Variants in MGAT4C observed in about 807,000 individuals in gnomAD.
The protein encoded by MGAT4C is MGAT4 family member C.
In MGAT4C, 19 loss-of-function variants were observed where a neutral mutation model predicts 40.1. That is an observed-to-expected ratio of 0.47 (90% CI 0.33 to 0.70). MGAT4C has a LOEUF of 0.70. Among genes scored for constraint, MGAT4C ranks in the 30% least tolerant of loss-of-function variants. MGAT4C has a pLI of 0.02. For synonymous variants in MGAT4C, 181 were observed against 187.1 expected (o/e 0.97, Z 0.27); for missense variants, 491 against 563.2 (o/e 0.87, Z 1.30).
chr12:86,022,940 T>C (rs955340789), intron 2 of MGAT4C, among the ~76,000 whole-genome samples: 1 of 151,774 alleles, frequency 6.6e-6, no homozygotes, highest in Non-Finnish European at 1.5e-5. Flanking sequence ...AAGATAAGAG[T>C]AGGAAAGACC....
Position 85,979,778 on chromosome 12 carries a change from T to C in MGAT4C, c.948A>G (p.Ser316=), listed in dbSNP as rs201179683. The C allele has an allele frequency of 2.9e-5, 46 of 1,613,550 alleles. No homozygotes were observed. The highest frequency in any genetic ancestry group is 3.8e-5 in the Non-Finnish European group (45 of 1,179,806). ...PSLFQHMGYY[S]SYKGTENKLK... Reference sequence around the variant, plus strand: ...GCTTATTCTCCGTCCCTTTGTATGATGAATAATAGCCCATGTGCTGAAAGA... The same window carrying C: ...GCTTATTCTCCGTCCCTTTGTATGACGAATAATAGCCCATGTGCTGAAAGA... Residue 316 remains serine (S), a synonymous_variant, in exon 5 of 5, where the codon TCA becomes TCG. Coordinates refer to ENST00000611864, the MANE Select transcript of MGAT4C (RefSeq NM_001351288.2).
At chr12:86,170,174 T>C (rs1404838391) in intron 1 of MGAT4C, among the ~76,000 whole-genome samples, 1 of 152,198 alleles carries the variant, frequency 6.6e-6, no homozygotes, top group Non-Finnish European at 1.5e-5. Flanking sequence ...TTTTTGAACA[T>C]TCGTGACCCA....
At chr12:86,711,460 C>T (rs1950555498) in intron 2 of MGAT4C, among the ~76,000 whole-genome samples, 1 of 151,962 alleles carries the variant, frequency 6.6e-6, no homozygotes, top group Non-Finnish European at 1.5e-5. Flanking sequence ...AACAGATCTA[C>T]CGCATAGTTT....
At chr12:86,317,076 A>G (rs1954257154) in intron 4 of MGAT4C, among the ~76,000 whole-genome samples, 1 of 152,128 alleles carries the variant, frequency 6.6e-6, no homozygotes, top group African/African-American at 2.4e-5. Context: ...ATAAGTATAC[A>G]AGAAGAAAAA....
chr12:86,146,555 A>G (rs1201179320), intron 1 of MGAT4C, among the ~76,000 whole-genome samples: 2 of 152,006 alleles, frequency 1.3e-5, no homozygotes, highest in Non-Finnish European at 2.9e-5. Flanking sequence ...TTCTATTTAA[A>G]TCTCTCTAAG....
At chr12:86,660,232 C>T (rs181935029) in intron 2 of MGAT4C, among the ~76,000 whole-genome samples, 48 of 152,060 alleles carry the variant, frequency 3.2e-4, no homozygotes, top group African/African-American at 1.0e-3. Flanking sequence ...AGTAGATTGA[C>T]GGGATTTGAT....
At position 86,025,581 on chromosome 12, in the gene MGAT4C, A is replaced by G. The variant is rs144758933; in HGVS notation, c.-7+24093T>C. Among the ~76,000 whole-genome samples, 1,110 of 151,902 alleles carry G rather than the reference A, an allele frequency of 7.3e-3. 9 individuals are homozygous for G. Among genetic ancestry groups the G allele is most frequent in the Non-Finnish European group, 0.011 (749 of 67,746 alleles). The stretch of plus-strand genomic sequence containing the variant: ...ATATGTTGTTTCAAATATTTATAAC[A>G]TAAAGATAGGGAAAATAGGCTATTA... On this transcript the variant is annotated intron_variant, in intron 2 of 4. Coordinates refer to ENST00000611864, the MANE Select transcript of MGAT4C (RefSeq NM_001351288.2).
intron 1 of MGAT4C, among the ~76,000 whole-genome samples, chr12:86,213,962 G>T (rs1950577280): frequency 6.6e-6 from 1 of 152,146 alleles, no homozygotes; most frequent in Non-Finnish European, 1.5e-5. Flanking sequence ...CCCACAAGGG[G>T]GTCTGAGTGA....
At chr12:86,166,329 AAAAC>A (rs768337124) in intron 1 of MGAT4C, among the ~76,000 whole-genome samples, 3 of 152,196 alleles carry the variant, frequency 2.0e-5, no homozygotes, top group South Asian at 4.1e-4. Context: ...CTGAAAGGGA[AAAAC>A]AAACAAACAA....
intron 4 of MGAT4C, among the ~76,000 whole-genome samples, chr12:86,323,654 A>C (rs1262819566): frequency 6.6e-6 from 1 of 151,918 alleles, no homozygotes; most frequent in African/African-American, 2.4e-5. Flanking sequence ...TAGTAAATAC[A>C]TACATATATA....
At chr12:86,710,028 G>A (rs1950530010) in intron 2 of MGAT4C, among the ~76,000 whole-genome samples, 2 of 152,014 alleles carry the variant, frequency 1.3e-5, no homozygotes, top group South Asian at 4.1e-4. Context: ...GTGATTATGA[G>A]ATCATTATTT....
chr12:86,445,184 T>A (rs181610270), intron 2 of MGAT4C, among the ~76,000 whole-genome samples: 151 of 152,174 alleles, frequency 9.9e-4, no homozygotes, highest in Non-Finnish European at 1.7e-3. Flanking sequence ...TAGCCTAATT[T>A]ATGCCAATTA....
At chr12:86,817,173 T>C (rs1952623166) in intron 1 of MGAT4C, among the ~76,000 whole-genome samples, 2 of 151,184 alleles carry the variant, frequency 1.3e-5, no homozygotes, top group Admixed American at 1.3e-4. Context: ...ATACACTACT[T>C]TATTCATACA....
rs370083335 is a variant in MGAT4C at position 85,967,402 on chromosome 12, G to A, written c.*11887C>T. The A allele has an allele frequency of 5.9e-5, 9 of 152,084 alleles. No homozygotes were observed. The highest frequency in any genetic ancestry group is 7.4e-5 in the Non-Finnish European group (5 of 67,946). 9.4% of individuals were successfully genotyped at this position (152,084 alleles called of 1,614,324 possible). On this transcript the variant is annotated 3_prime_UTR_variant, in exon 5 of 5. Transcript: ENST00000611864. ...ATTATAAGAAATCTCTATACATTAC[G>A]TTTTAAAATACATAAAACCCATAAA... is the stretch of plus-strand genomic sequence containing the variant.
intron 1 of MGAT4C, among the ~76,000 whole-genome samples, chr12:86,112,433 A>G (rs1483946947): frequency 6.6e-6 from 1 of 151,786 alleles, no homozygotes; most frequent in Non-Finnish European, 1.5e-5. Flanking sequence ...GGAAATACCA[A>G]TAGTGGCAGA....
chr12:86,423,306 ATATTAT>A (rs754372716), intron 3 of MGAT4C, among the ~76,000 whole-genome samples: 1 of 151,886 alleles, frequency 6.6e-6, no homozygotes, highest in South Asian at 2.1e-4. Flanking sequence ...CTATGAAGCA[ATATTAT>A]TATTATTGTC....
intron 2 of MGAT4C, among the ~76,000 whole-genome samples, chr12:86,629,528 A>T (rs1962952282): frequency 6.6e-6 from 1 of 152,186 alleles, no homozygotes; most frequent in African/African-American, 2.4e-5. Context: ...GAAAATGAAA[A>T]AGAACAGAAA....
intron 3 of MGAT4C, among the ~76,000 whole-genome samples, chr12:86,430,510 T>C (rs1264578773): frequency 6.6e-6 from 1 of 152,208 alleles, no homozygotes; most frequent in African/African-American, 2.4e-5. Flanking sequence ...TAGTGGGCTA[T>C]TGACTTTGTT....
chr12:86,787,664 C>T (rs538756148), intron 1 of MGAT4C, among the ~76,000 whole-genome samples: 2 of 152,126 alleles, frequency 1.3e-5, no homozygotes, highest in Non-Finnish European at 2.9e-5. Flanking sequence ...TGGTCATACA[C>T]TGTTGGTGAG....
Sources: gnomAD v4.1 joint callset for allele counts (sites outside exome capture counted in the v4.1 genomes callset) on GRCh38, gnomAD v4.1.1 for gene constraint, MANE v1.5 for transcripts, NCBI Gene and HGNC (gene_info 2026-07-23, HGNC 2026-07-21) for gene names.